Variants in ANKRD36 observed in about 807,000 individuals in gnomAD.
The protein encoded by ANKRD36 is ankyrin repeat domain-containing protein 36A.
In ANKRD36, 179 loss-of-function variants were observed where a neutral mutation model predicts 278.1. That is an observed-to-expected ratio of 0.64 (90% CI 0.57 to 0.73). The LOEUF is 0.73. ANKRD36 is among the 30% of genes least tolerant of loss of function. The pLI, the probability that ANKRD36 is intolerant of heterozygous loss-of-function variation, is 0.00. For synonymous variants in ANKRD36, 320 were observed against 641.1 expected (o/e 0.50, Z 7.57); for missense variants, 1,159 against 1,956.7 (o/e 0.59, Z 7.69).
chr2:97,136,443 G>T (rs1354848910), intron 6 of ANKRD36, among the ~76,000 whole-genome samples: 1 of 151,328 alleles, frequency 6.6e-6, no homozygotes, highest in African/African-American at 2.4e-5. Flanking sequence ...ACCAAAGAGG[G>T]GGTCCTGGGA....
At chr2:97,198,100 G>A (rs2060294070) in intron 42 of ANKRD36, among the ~76,000 whole-genome samples, 1 of 151,882 alleles carries the variant, frequency 6.6e-6, no homozygotes, top group Admixed American at 6.6e-5. Context: ...AAAGACATGT[G>A]GGTACATGTA....
In ANKRD36 at chr2:97,121,936, A is replaced by G. The variant is rs2036991157; in HGVS notation, c.487-951A>G. Among the ~76,000 whole-genome samples the G allele has an allele frequency of 2.7e-5, 4 of 147,318 alleles. No homozygotes were observed. In the South Asian group the frequency reaches 8.9e-4, roughly 33 times the overall value. On this transcript the variant is annotated intron_variant, in intron 3 of 75. Transcript: ENST00000420699. ...TTTCATACAGAGCTTTCTGACAGCT[A>G]AGATAAAAATATTACTAGAGAAAAC...
chr2:97,207,650 G>A lies in ANKRD36; in HGVS notation c.3164-161G>A, dbSNP rs141526810. On this transcript the variant is annotated intron_variant, in intron 52 of 75. Coordinates refer to ENST00000420699, the MANE Select transcript of ANKRD36 (RefSeq NM_001354587.1). ...GGAGCCTGTATTCCATTTTCTCAGCGTATTTCTGTCATGTTCTAGTCCCCA... is the reference window on the plus strand; with the variant it reads ...GGAGCCTGTATTCCATTTTCTCAGCATATTTCTGTCATGTTCTAGTCCCCA... 4.8e-3 allele frequency among the ~76,000 whole-genome samples: 728 copies of A among 151,550 alleles called. 15 individuals carry two copies. In the East Asian group the frequency reaches 0.059, roughly 12 times the overall value.
rs372154564 is a variant in ANKRD36, at chr2:97,200,618, C to A, written c.2857+93C>A. On this transcript the variant is annotated intron_variant, in intron 46 of 75. Transcript: ENST00000420699. Reference sequence around the variant, plus strand: ...CAGTCGGGGGCTGGTTGAAGCTGCACGTTCTGATTCACCAAGCTTGAGATT... The same window carrying A: ...CAGTCGGGGGCTGGTTGAAGCTGCAAGTTCTGATTCACCAAGCTTGAGATT... The A allele has an allele frequency of 1.9e-5, 29 of 1,508,700 alleles. 4 individuals carry two copies. The highest frequency in any genetic ancestry group is 9.9e-5 in the East Asian group (4 of 40,516). 93.5% of individuals were successfully genotyped at this position (1,508,700 alleles called of 1,614,324 possible). A position where few individuals can be genotyped will look rare whatever the true frequency, so the allele number is the denominator to read the frequency against.
Position 97,118,423 on chromosome 2 carries a change from G to A in ANKRD36, c.392G>A (p.Gly131Glu), listed in dbSNP as rs773423685. The A allele has an allele frequency of 6.2e-6, 10 of 1,607,232 alleles. No homozygotes were observed. In the South Asian group the frequency reaches 1.0e-4, roughly 16 times the overall value. The change falls in exon 3 of 76, where the codon GGA becomes GAA. Residue 131 changes from glycine to glutamate, a missense_variant. Gly to Glu is a moderately conservative substitution (Grantham distance 98). Coordinates refer to ENST00000420699, the MANE Select transcript of ANKRD36 (RefSeq NM_001354587.1). Reference protein sequence around the residue: ...GANPNITDFFGRTALHYAVYN... With the variant: ...GANPNITDFFERTALHYAVYN... ...AATCCAAATATTACGGATTTCTTTG[G>A]AAGGACTGCTCTGCACTACGCTGTG... is the stretch of plus-strand genomic sequence containing the variant.
chr2:97,117,643 T>C (rs2035846055), intron 1 of ANKRD36, among the ~76,000 whole-genome samples: 1 of 152,054 alleles, frequency 6.6e-6, no homozygotes, highest in African/African-American at 2.4e-5. Flanking sequence ...TTGTATCATT[T>C]TACTTAATTA....
intron 42 of ANKRD36, among the ~76,000 whole-genome samples, chr2:97,197,524 T>C (rs560154726): frequency 6.6e-6 from 1 of 152,004 alleles, no homozygotes; most frequent in East Asian, 2.0e-4. Context: ...TCTGAATACA[T>C]TAGTTTCCTT....
chr2:97,127,059 A>T lies in ANKRD36; in HGVS notation c.732-8A>T. 9.0e-7 allele frequency: 1 copy of T among 1,113,104 alleles called. No individual in the cohort carries two copies. Among genetic ancestry groups the T allele is most frequent in the East Asian group, 2.8e-5 (1 of 35,730 alleles). 69.0% of individuals were successfully genotyped at this position (1,113,104 alleles called of 1,614,324 possible). The stretch of plus-strand genomic sequence containing the variant: ...TAAAATATTAATTTCATTTATTTTT[A>T]TGCATAGCATTTTTGATCTAATTTA... On this transcript the variant is annotated splice_polypyrimidine_tract_variant and splice_region_variant and intron_variant, in intron 5 of 75. Coordinates refer to ENST00000420699, the MANE Select transcript of ANKRD36 (RefSeq NM_001354587.1).
At chr2:97,184,505 G>A (rs916081218) in intron 28 of ANKRD36, among the ~76,000 whole-genome samples, 3 of 151,674 alleles carry the variant, frequency 2.0e-5, no homozygotes, top group African/African-American at 7.3e-5. Flanking sequence ...AATACTAAAT[G>A]TATTAATTGA....
intron 50 of ANKRD36, among the ~76,000 whole-genome samples, chr2:97,205,596 T>C (rs2062623045): frequency 6.6e-6 from 1 of 151,544 alleles, no homozygotes; most frequent in South Asian, 2.1e-4. Context: ...AGCACCTGCT[T>C]TGACATTGAT....
At chr2:97,192,776 G>T (rs1352685766) in intron 36 of ANKRD36, 82 bp from the exon 37 acceptor site, 8 of 1,505,174 alleles carry the variant, frequency 5.3e-6, no homozygotes, top group Admixed American at 1.7e-5. Context: ...GAGAACAGAG[G>T]TTGATACAAA....
chr2:97,184,414 T>G (rs2056951362), intron 28 of ANKRD36, among the ~76,000 whole-genome samples: 1 of 151,724 alleles, frequency 6.6e-6, no homozygotes, highest in Non-Finnish European at 1.5e-5. Context: ...AGTGCTGGCT[T>G]TTTCATTAAA....
At chr2:97,205,121 A>T (rs1357586748) in intron 50 of ANKRD36, among the ~76,000 whole-genome samples, 1 of 151,662 alleles carries the variant, frequency 6.6e-6, no homozygotes, top group African/African-American at 2.4e-5. Flanking sequence ...TTGCATTCCA[A>T]TGAAGTCCTA....
chr2:97,199,151 T>A (rs1292942558), intron 44 of ANKRD36, among the ~76,000 whole-genome samples: 2 of 151,850 alleles, frequency 1.3e-5, no homozygotes, highest in African/African-American at 4.8e-5. Context: ...AGGAAGTCAT[T>A]TATATAATTT....
rs530181495 is a variant in ANKRD36, at chr2:97,200,400, G to A, written c.2784+38G>A. ...TCATTCATATTGTGAGCTAGTAAACGTATAGCCTATGAAACATACCTTATT... is the reference window on the plus strand; with the variant it reads ...TCATTCATATTGTGAGCTAGTAAACATATAGCCTATGAAACATACCTTATT... On this transcript the variant is annotated intron_variant, in intron 45 of 75. Transcript: ENST00000420699. The A allele has an allele frequency of 2.8e-5, 45 of 1,603,480 alleles. No individual in the cohort carries two copies. In the African/African-American group the frequency reaches 4.5e-4, roughly 16 times the overall value.
chr2:97,113,615 A>T lies in ANKRD36; in HGVS notation c.-125A>T. 8.2e-7 allele frequency: 1 copy of T among 1,221,656 alleles called. No individual in the cohort carries two copies. The highest frequency in any genetic ancestry group is 1.1e-6 in the Non-Finnish European group (1 of 872,702). The allele number at this position is 1,221,656 out of a possible 1,614,324, so 75.7% of individuals were successfully genotyped here. The stretch of plus-strand genomic sequence containing the variant: ...TTGGGCGTTTCTGCTGAGAGGCGGG[A>T]GGCGCTGAGAGTCTGTGCGGAGGTC... On this transcript the variant is annotated 5_prime_UTR_variant, in exon 1 of 76. Transcript: ENST00000420699.
intron 14 of ANKRD36, 71 bp downstream of exon 14, chr2:97,152,605 T>G: frequency 7.7e-7 from 1 of 1,302,108 alleles, no homozygotes; most frequent in South Asian, 1.3e-5. Flanking sequence ...CTAGTATTTG[T>G]TTAGTATTCT....
chr2:97,117,946 C>G, intron 1 of ANKRD36, 118 bp from the exon 2 acceptor site: 1 of 1,413,598 alleles, frequency 7.1e-7, no homozygotes, highest in Non-Finnish European at 9.4e-7. Flanking sequence ...GTAATAAGCG[C>G]TAACAAATGT....
At chr2:97,195,101 A>G (rs1213346184) in intron 40 of ANKRD36, among the ~76,000 whole-genome samples, 184 bp downstream of exon 40, 2 of 151,978 alleles carry the variant, frequency 1.3e-5, no homozygotes, top group African/African-American at 4.8e-5. Flanking sequence ...CTTCACTGTA[A>G]GATTATACGC....
Sources: allele counts gnomAD v4.1 joint callset (sites outside exome capture counted in the v4.1 genomes callset), GRCh38; gene constraint gnomAD v4.1.1; transcripts MANE v1.5; gene names NCBI Gene and HGNC (gene_info 2026-07-23, HGNC 2026-07-21).